Variants in DDR2 observed in about 807,000 individuals in gnomAD.
DDR2 encodes the protein discoidin domain-containing receptor 2.
DDR2 carries 27 observed loss-of-function variants against 94.9 expected under a neutral mutation model. The observed-to-expected ratio is 0.28, with a 90% CI of 0.21 to 0.39. The LOEUF (loss-of-function observed/expected upper bound fraction) is 0.39. Among genes scored for constraint, DDR2 ranks in the 10% least tolerant of loss-of-function variants. The pLI, the probability that DDR2 is intolerant of heterozygous loss-of-function variation, is 1.00. For synonymous variants in DDR2, 382 were observed against 377.2 expected (o/e 1.01, Z -0.15); for missense variants, 783 against 1,076.0 (o/e 0.73, Z 3.81).
chr1:162,711,230 C>A (rs1022979746), intron 2 of DDR2, among the ~76,000 whole-genome samples: 1 of 152,170 alleles, frequency 6.6e-6, no homozygotes, highest in African/African-American at 2.4e-5. Flanking sequence ...CAAAGGAACC[C>A]AGCACTGGAT....
At chr1:162,748,889 C>T (rs1663028611) in intron 3 of DDR2, among the ~76,000 whole-genome samples, 2 of 152,124 alleles carry the variant, frequency 1.3e-5, no homozygotes, top group Non-Finnish European at 2.9e-5. Context: ...ACTGAACAAC[C>T]TGCTCCTGAA....
intron 3 of DDR2, among the ~76,000 whole-genome samples, chr1:162,722,543 A>G (rs1202471048): frequency 6.6e-6 from 1 of 152,244 alleles, no homozygotes; most frequent in South Asian, 2.1e-4. Context: ...AGTGACATCC[A>G]AATCAAACAA....
chr1:162,709,520 T>C (rs954619761), intron 2 of DDR2, among the ~76,000 whole-genome samples: 1 of 152,208 alleles, frequency 6.6e-6, no homozygotes, highest in Non-Finnish European at 1.5e-5. Flanking sequence ...AGATGAGCTT[T>C]CAGGTCCCTT....
chr1:162,648,607 A>G (rs1657530648), intron 1 of DDR2, among the ~76,000 whole-genome samples: 1 of 152,186 alleles, frequency 6.6e-6, no homozygotes, highest in African/African-American at 2.4e-5. Context: ...CAGAACAAGG[A>G]GCACTGAGGA....
At chr1:162,747,229 T>C (rs752233340) in intron 3 of DDR2, among the ~76,000 whole-genome samples, 11 of 152,040 alleles carry the variant, frequency 7.2e-5, no homozygotes, top group South Asian at 4.2e-4. Context: ...CCAAGGAAGT[T>C]TGGAGGATGT....
At chr1:162,747,353 C>T (rs1195888437) in intron 3 of DDR2, among the ~76,000 whole-genome samples, 2 of 152,050 alleles carry the variant, frequency 1.3e-5, no homozygotes, top group African/African-American at 4.8e-5. Flanking sequence ...AAAACCATGG[C>T]ACGAGAACTA....
At chr1:162,698,597 G>C (rs1431021871) in intron 2 of DDR2, among the ~76,000 whole-genome samples, 1 of 152,180 alleles carries the variant, frequency 6.6e-6, no homozygotes, top group Non-Finnish European at 1.5e-5. Context: ...ACTATGATTA[G>C]GGTTGTGCTA....
At chr1:162,661,916 C>T (rs1658314906) in intron 2 of DDR2, among the ~76,000 whole-genome samples, 1 of 152,182 alleles carries the variant, frequency 6.6e-6, no homozygotes, top group South Asian at 2.1e-4. Context: ...TTCCCTTTGT[C>T]TGCATAGTCC....
intron 2 of DDR2, among the ~76,000 whole-genome samples, chr1:162,697,740 C>T (rs1660255575): frequency 6.6e-6 from 1 of 152,192 alleles, no homozygotes; most frequent in African/African-American, 2.4e-5. Context: ...ATTGAGTCCT[C>T]ATGATTACTC....
rs761726921 is a variant in DDR2, at chr1:162,656,833, G to GTT, written c.-28+1474_-28+1475dup. Among the ~76,000 whole-genome samples, 244 of 65,650 alleles carry GTT rather than the reference G, an allele frequency of 3.7e-3. 26 individuals are homozygous for GTT. The highest frequency in any genetic ancestry group is 0.043 in the Middle Eastern group (2 of 46). 43.1% of individuals were successfully genotyped at this position (65,650 alleles called of 152,430 possible). The stretch of plus-strand genomic sequence containing the variant: ...GGTCTTTTCTTCCCCTGCCACTGGA[G>GTT]TTTTTTTTTTTTTTTTATTTTTTTT... On this transcript the variant is annotated intron_variant, in intron 2 of 17. Coordinates refer to ENST00000367921, the MANE Select transcript of DDR2 (RefSeq NM_006182.4).
intron 2 of DDR2, among the ~76,000 whole-genome samples, chr1:162,701,200 C>T (rs1200778255): frequency 6.6e-6 from 1 of 152,172 alleles, no homozygotes; most frequent in Non-Finnish European, 1.5e-5. Flanking sequence ...GTTGACCCAA[C>T]TCCCTTGGAA....
intron 2 of DDR2, among the ~76,000 whole-genome samples, chr1:162,714,098 T>C (rs1415596942): frequency 6.6e-6 from 1 of 152,148 alleles, no homozygotes; most frequent in Non-Finnish European, 1.5e-5. Context: ...TTATATTGTC[T>C]CCCCTGTTGA....
At chr1:162,631,733 C>T (rs1271150728), upstream of DDR2, among the ~76,000 whole-genome samples, 5 of 151,856 alleles carry the variant, frequency 3.3e-5, no homozygotes, top group South Asian at 2.1e-4. Flanking sequence ...GCTGTGGAAG[C>T]GGGGAGAAGA....
chr1:162,773,542 A>G lies in DDR2; in HGVS notation c.1802A>G (p.Gln601Arg). The G allele has an allele frequency of 6.2e-7, 1 of 1,614,158 alleles. No individual in the cohort carries two copies. Among genetic ancestry groups the G allele is most frequent in the South Asian group, 1.1e-5 (1 of 91,090 alleles). ...TTTGCCCTAGATGTCAGTGCCAACC[A>G]GCCTGTCCTGGTGGCTGTGAAAATG... is the stretch of plus-strand genomic sequence containing the variant. ...KDFALDVSAN[Q>R]PVLVAVKMLR... Residue 601 changes from glutamine (Q) to arginine (R), a missense_variant, in exon 14 of 18, where the codon CAG (glutamine) becomes CGG (arginine). Gln to Arg is a conservative substitution (Grantham distance 43, BLOSUM62 1). Coordinates refer to ENST00000367921, the MANE Select transcript of DDR2 (RefSeq NM_006182.4).
intron 2 of DDR2, among the ~76,000 whole-genome samples, chr1:162,666,231 T>C (rs1305714784): frequency 6.6e-6 from 1 of 152,224 alleles, no homozygotes; most frequent in Non-Finnish European, 1.5e-5. Flanking sequence ...TCATTCTCTC[T>C]CTCGCATTCT....
At chr1:162,631,036 A>G (rs942397827), upstream of DDR2, among the ~76,000 whole-genome samples, 3 of 151,762 alleles carry the variant, frequency 2.0e-5, no homozygotes, top group African/African-American at 7.3e-5. Context: ...AACCATTCCC[A>G]TGTTCTCCGT....
At chr1:162,677,315 G>A (rs1161066505) in intron 2 of DDR2, among the ~76,000 whole-genome samples, 1 of 152,178 alleles carries the variant, frequency 6.6e-6, no homozygotes, top group Admixed American at 6.5e-5. Context: ...CAAATTTACT[G>A]AGGGTTTACT....
At chr1:162,683,869 A>T (rs571958000) in intron 2 of DDR2, among the ~76,000 whole-genome samples, 198 of 152,216 alleles carry the variant, frequency 1.3e-3, no homozygotes, top group African/African-American at 3.9e-3. Context: ...TGTTTTTTTT[A>T]AAATAGATAG....
At chr1:162,748,185 A>G (rs1013511796) in intron 3 of DDR2, among the ~76,000 whole-genome samples, 5 of 152,248 alleles carry the variant, frequency 3.3e-5, no homozygotes, top group Non-Finnish European at 5.9e-5. Context: ...TAAATGCTCC[A>G]ATTAAAAGAC....
Sources: gnomAD v4.1 joint callset for allele counts (sites outside exome capture counted in the v4.1 genomes callset) on GRCh38, gnomAD v4.1.1 for gene constraint, MANE v1.5 for transcripts, NCBI Gene and HGNC (gene_info 2026-07-23, HGNC 2026-07-21) for gene names.